Variants in NEXN observed in about 807,000 individuals in gnomAD.
NEXN encodes the protein nexilin.
NEXN carries 65 observed loss-of-function variants against 92.6 expected under a neutral mutation model. The ratio of observed to expected loss-of-function variants is 0.70; its 90% CI spans 0.57 to 0.86. The LOEUF (loss-of-function observed/expected upper bound fraction) is 0.86, where lower values mean the gene tolerates loss of function less well. NEXN is among the 40% of genes least tolerant of loss of function. The probability of loss-of-function intolerance (pLI) is 0.00; values close to 1 mark genes in which losing one functional copy is unlikely to be tolerated. For missense variants in NEXN, 778 were observed against 771.1 expected, an observed-to-expected ratio of 1.01 and a Z score of -0.11; for synonymous variants, 254 against 242.5, an observed-to-expected ratio of 1.05 and a Z score of -0.44.
At chr1:77,909,472 A>G in intron 1 of NEXN, among the ~76,000 whole-genome samples, 1 of 152,202 alleles carries the variant, frequency 6.6e-6, no homozygotes, top group East Asian at 1.9e-4. Context: ...GTAACTTTAG[A>G]TATGATATAA....
At chr1:77,911,886 C>T (rs937760296) in intron 1 of NEXN, among the ~76,000 whole-genome samples, 2 of 151,794 alleles carry the variant, frequency 1.3e-5, no homozygotes, top group Admixed American at 1.3e-4. Flanking sequence ...TGAGACCAGC[C>T]TGACCAACAT....
At chr1:77,897,294 CAA>C (rs1405892351) in intron 1 of NEXN, among the ~76,000 whole-genome samples, 4 of 152,198 alleles carry the variant, frequency 2.6e-5, no homozygotes, top group Admixed American at 2.6e-4. Flanking sequence ...AGCAGCACAT[CAA>C]AAAGCTTATC....
chr1:77,931,231 C>CAAAAAA (rs367898061), intron 9 of NEXN, among the ~76,000 whole-genome samples: 61 of 120,544 alleles, frequency 5.1e-4, no homozygotes, highest in African/African-American at 1.4e-3. Flanking sequence ...ACTAAAAATA[C>CAAAAAA]AAAAAAAAAA....
chr1:77,897,818 G>T (rs1057121332), intron 1 of NEXN, among the ~76,000 whole-genome samples: 2 of 152,054 alleles, frequency 1.3e-5, no homozygotes, highest in South Asian at 4.1e-4. Context: ...AAAGTCTCAG[G>T]ATACAAAATC....
chr1:77,910,125 A>G (rs1648444205), intron 1 of NEXN, among the ~76,000 whole-genome samples: 2 of 152,210 alleles, frequency 1.3e-5, no homozygotes, highest in South Asian at 2.1e-4. Flanking sequence ...AGACACAGAA[A>G]AAGCATTAGA....
intron 5 of NEXN, among the ~76,000 whole-genome samples, chr1:77,923,941 G>A (rs1329409406): frequency 1.3e-5 from 2 of 152,054 alleles, no homozygotes; most frequent in East Asian, 1.9e-4. Flanking sequence ...CTCTCAAAGT[G>A]CTGGGATTAT....
In NEXN at chr1:77,935,979, G is replaced by A. The variant is rs35366555; in HGVS notation, c.1408G>A (p.Glu470Lys). Residue 470 changes from glutamate to lysine, a missense_variant, in exon 11 of 13, where the codon GAG becomes AAG. Glu to Lys is a moderately conservative substitution (Grantham distance 56). This residue lies in a region of NEXN where 532 missense variants were observed against 476.7 expected (regional missense o/e 1.12). Transcript: ENST00000334785. Reference protein sequence around the residue: ...EKEIQKKIEEERARRRAIDLE... With the variant: ...EKEIQKKIEEKRARRRAIDLE... ...AGAAATACAGAAAAAAATAGAAGAA[G>A]AGCGAGCAAGAAGGAGAGCAATTGA... 1 of 1,613,958 alleles carries A rather than the reference G, an allele frequency of 6.2e-7. No individual in the cohort carries two copies. Among genetic ancestry groups the A allele is most frequent in the Non-Finnish European group, 8.5e-7 (1 of 1,179,996 alleles).
chr1:77,924,019 G>A (rs114407622), intron 5 of NEXN, among the ~76,000 whole-genome samples: 4,727 of 151,972 alleles, frequency 0.031, 152 homozygotes, highest in African/African-American at 0.095. Context: ...CTTAGACCTC[G>A]TCAAAATATA....
At chr1:77,928,306 G>A (rs545330234) in intron 8 of NEXN, among the ~76,000 whole-genome samples, 1 of 142,620 alleles carries the variant, frequency 7.0e-6, no homozygotes, top group African/African-American at 2.6e-5. Flanking sequence ...GTGAGACCCT[G>A]TCTCAAAAAA....
Position 77,943,179 on chromosome 1 carries a change from A to G in NEXN, c.*350A>G. On this transcript the variant is annotated 3_prime_UTR_variant, in exon 13 of 13. Coordinates refer to ENST00000334785, the MANE Select transcript of NEXN (RefSeq NM_144573.4). The stretch of plus-strand genomic sequence containing the variant: ...TTACTCAATTATTCTATCAGAACCT[A>G]TTATAAAGACTGTATTTCCCATAGA... 1 of 307,212 alleles carries G rather than the reference A, an allele frequency of 3.3e-6. No homozygotes were observed. Among genetic ancestry groups the G allele is most frequent in the South Asian group, 3.0e-5 (1 of 32,824 alleles). 19.0% of individuals were successfully genotyped at this position (307,212 alleles called of 1,614,324 possible).
At chr1:77,931,388 G>A (rs542635699) in intron 9 of NEXN, among the ~76,000 whole-genome samples, 1 of 127,746 alleles carries the variant, frequency 7.8e-6, no homozygotes, top group African/African-American at 3.0e-5. Flanking sequence ...ACTCCAGCCT[G>A]GGGGACAGAG....
Position 77,898,110 on chromosome 1 carries a change from C to T in NEXN, c.-53+9351C>T, listed in dbSNP as rs1439410092. 6.6e-5 allele frequency among the ~76,000 whole-genome samples: 10 copies of T among 151,654 alleles called. 1 individual carries two copies. Among genetic ancestry groups the T allele is most frequent in the Admixed American group, 6.5e-4 (10 of 15,276 alleles). Reference sequence around the variant, plus strand: ...CCAAGGTAATTTATAGATTCAATGCCATCCCCATCAAGCTACCAATGACTT... The same window carrying T: ...CCAAGGTAATTTATAGATTCAATGCTATCCCCATCAAGCTACCAATGACTT... On this transcript the variant is annotated intron_variant, in intron 1 of 12. Coordinates refer to ENST00000334785, the MANE Select transcript of NEXN (RefSeq NM_144573.4).
At position 77,929,591 on chromosome 1, in the gene NEXN, A is replaced by G. The variant is rs1650131996; in HGVS notation, c.1053+87A>G. On this transcript the variant is annotated intron_variant, in intron 9 of 12. Coordinates refer to ENST00000334785, the MANE Select transcript of NEXN (RefSeq NM_144573.4). ...ATCATTAGACTTTAGAGAATACCCTATTATTTCTGGAAACTGTGCCAAGAG... is the reference window on the plus strand; with the variant it reads ...ATCATTAGACTTTAGAGAATACCCTGTTATTTCTGGAAACTGTGCCAAGAG... 20 of 1,548,834 alleles carry G rather than the reference A, an allele frequency of 1.3e-5. No individual in the cohort carries two copies. The South Asian group carries it at 2.1e-4, about 16-fold the overall frequency.
intron 5 of NEXN, 39 bp downstream of exon 5, chr1:77,918,312 T>A: frequency 1.2e-6 from 2 of 1,602,816 alleles, no homozygotes; most frequent in East Asian, 4.5e-5. Context: ...TTTCTGAAAC[T>A]AACTGTGCAA....
At chr1:77,910,245 T>C (rs890630512) in intron 1 of NEXN, among the ~76,000 whole-genome samples, 3 of 152,210 alleles carry the variant, frequency 2.0e-5, no homozygotes, top group Non-Finnish European at 4.4e-5. Flanking sequence ...AGACTGGACA[T>C]ATTTCTCCTA....
At chr1:77,894,153 C>T (rs1647168326) in intron 1 of NEXN, among the ~76,000 whole-genome samples, 1 of 151,904 alleles carries the variant, frequency 6.6e-6, no homozygotes, top group Non-Finnish European at 1.5e-5. Context: ...GACGAGATTT[C>T]ACCATGTTGG....
At chr1:77,899,496 C>T (rs1302306797) in intron 1 of NEXN, among the ~76,000 whole-genome samples, 5 of 151,940 alleles carry the variant, frequency 3.3e-5, no homozygotes, top group Admixed American at 1.3e-4. Flanking sequence ...CATCACACTC[C>T]GGGGACGGTT....
At chr1:77,936,393 C>T (rs1214485263) in intron 11 of NEXN, among the ~76,000 whole-genome samples, 1 of 152,074 alleles carries the variant, frequency 6.6e-6, no homozygotes, top group Non-Finnish European at 1.5e-5. Flanking sequence ...CCTAGGCTAG[C>T]CTGGGTAACA....
chr1:77,936,092 A>G, intron 11 of NEXN, 48 bp downstream of exon 11: 1 of 1,366,686 alleles, frequency 7.3e-7, no homozygotes, highest in Non-Finnish European at 1.0e-6. Flanking sequence ...TAATGATAAT[A>G]AATTTAACAG....
Sources: allele counts gnomAD v4.1 joint callset (sites outside exome capture counted in the v4.1 genomes callset), GRCh38; gene constraint gnomAD v4.1.1; regional missense constraint gnomAD v4.1.1; transcripts MANE v1.5; gene names NCBI Gene and HGNC (gene_info 2026-07-23, HGNC 2026-07-21).